Variants in BCCIP observed in about 807,000 individuals in gnomAD.
The protein encoded by BCCIP is BRCA2 and CDKN1A-interacting protein.
BCCIP carries 23 observed loss-of-function variants against 32.8 expected under a neutral mutation model. The observed-to-expected ratio is 0.70, with a 90% confidence interval of 0.51 to 0.99. BCCIP has a LOEUF of 0.99. Among genes scored for constraint, BCCIP ranks in the 50% least tolerant of loss-of-function variants. The pLI is 0.00. For synonymous variants in BCCIP, 144 were observed against 137.6 expected (o/e 1.05, Z -0.33); for missense variants, 378 against 379.8 (o/e 1.00, Z 0.04).
downstream of BCCIP, chr10:125,841,451 A>G (rs1204223248): frequency 1.7e-5 from 26 of 1,541,600 alleles, no homozygotes; most frequent in Non-Finnish European, 2.1e-5. Context: ...CTAGTGACAC[A>G]TTTTCTTCAT....
chr10:125,853,093 G>A (rs372226641), intron 7 of BCCIP: 1 of 1,475,512 alleles, frequency 6.8e-7, no homozygotes, highest in Non-Finnish European at 9.4e-7. Flanking sequence ...TACAGAAACT[G>A]CGTATGGCAC....
At chr10:125,838,437 C>T (rs777020876), downstream of BCCIP, 1 of 1,446,248 alleles carries the variant, frequency 6.9e-7, no homozygotes, top group Admixed American at 2.5e-5. Flanking sequence ...ATATGGAGAT[C>T]ATTATACAAA....
At chr10:125,848,103 C>T (rs1944047561) in intron 7 of BCCIP, among the ~76,000 whole-genome samples, 1 of 152,216 alleles carries the variant, frequency 6.6e-6, no homozygotes, top group Non-Finnish European at 1.5e-5. Flanking sequence ...AATGAAGCTT[C>T]TGTTTCTGAT....
Position 125,827,612 on chromosome 10 carries a change from C to G in BCCIP, c.295C>G (p.Gln99Glu), listed in dbSNP as rs752729538. 10 of 1,612,432 alleles carry G rather than the reference C, an allele frequency of 6.2e-6. No individual in the cohort carries two copies. Among genetic ancestry groups the G allele is most frequent in the Non-Finnish European group, 8.5e-6 (10 of 1,178,516 alleles). Reference protein sequence around the residue: ...TAELTDLLIQQNHIGSVIKQT... With the variant: ...TAELTDLLIQENHIGSVIKQT... ...AGAACTAACAGATCTCTTAATTCAACAGAACCATATTGGGAGTGTGATTAA... is the reference window on the plus strand; with the variant it reads ...AGAACTAACAGATCTCTTAATTCAAGAGAACCATATTGGGAGTGTGATTAA... The change falls in exon 3 of 7, where the codon CAG (glutamine) becomes GAG (glutamate). Residue 99 changes from glutamine (Q) to glutamate (E), a missense_variant. Transcript: ENST00000278100.
At chr10:125,835,557 T>G (rs540257466) in intron 6 of BCCIP, among the ~76,000 whole-genome samples, 2 of 143,186 alleles carry the variant, frequency 1.4e-5, no homozygotes, top group Non-Finnish European at 3.0e-5. Flanking sequence ...CCAGCCTGGG[T>G]GACAGAGTGA....
intron 7 of BCCIP, chr10:125,852,700 C>G (rs1944107766): frequency 2.0e-6 from 3 of 1,477,830 alleles, no homozygotes; most frequent in Non-Finnish European, 2.8e-6. Context: ...AGTAGGCTCA[C>G]TGATCCTGAA....
downstream of BCCIP, among the ~76,000 whole-genome samples, chr10:125,843,116 G>C (rs1399018185): frequency 6.6e-6 from 1 of 152,002 alleles, no homozygotes; most frequent in East Asian, 1.9e-4. Context: ...TCCCATAATA[G>C]AAAGCTGCTG....
chr10:125,849,262 C>A (rs753073267), intron 7 of BCCIP, among the ~76,000 whole-genome samples: 3 of 152,182 alleles, frequency 2.0e-5, no homozygotes. Context: ...CACTGTTGCA[C>A]GCAAAAACAT....
At position 125,852,179 on chromosome 10, in the gene BCCIP, G is replaced by GC. The variant is rs1054454167; in HGVS notation, c.851-941dup. The GC allele has an allele frequency of 2.3e-6, 3 of 1,321,686 alleles. No homozygotes were observed. The African/African-American group carries it at 4.4e-5, about 20-fold the overall frequency. The allele number at this position is 1,321,686 out of a possible 1,614,324, so 81.9% of individuals were successfully genotyped here. A position where few individuals can be genotyped will look rare whatever the true frequency, so the allele number is the denominator to read the frequency against. On this transcript the variant is annotated intron_variant, in intron 7 of 7. Coordinates refer to the BCCIP transcript ENST00000368759. ...GGAAAATGCTTCAGTCCAAACCAAC[G>GC]CCCCCTCCATGCTTGTGTGCATTGC...
At chr10:125,841,126 T>C (rs919451150), downstream of BCCIP, 9 of 1,372,564 alleles carry the variant, frequency 6.6e-6, 1 homozygote, top group Middle Eastern at 1.8e-4. Context: ...AAATATGTTA[T>C]TCTTGTTTAC....
chr10:125,847,979 G>A (rs1037912942), intron 7 of BCCIP, among the ~76,000 whole-genome samples: 1 of 152,204 alleles, frequency 6.6e-6, no homozygotes, highest in African/African-American at 2.4e-5. Context: ...AACAGGCCAC[G>A]AACTGGTACC....
Position 125,825,014 on chromosome 10 carries a change from C to G in BCCIP, c.165+1292C>G, listed in dbSNP as rs537602796. 3.0e-4 allele frequency among the ~76,000 whole-genome samples: 46 copies of G among 152,386 alleles called. No individual in the cohort carries two copies. In the South Asian group the frequency reaches 9.1e-3, roughly 30 times the overall value. On this transcript the variant is annotated intron_variant, in intron 1 of 6. Transcript: ENST00000278100. ...TATGTGATCAATCTTCCTTCCCTTACAAATTTTACTTTGGCTCTATGCCTT... is the reference window on the plus strand; with the variant it reads ...TATGTGATCAATCTTCCTTCCCTTAGAAATTTTACTTTGGCTCTATGCCTT...
chr10:125,826,578 G>A lies in BCCIP; in HGVS notation c.166-13G>A, dbSNP rs1257209089. 1.2e-6 allele frequency: 2 copies of A among 1,612,572 alleles called. No homozygotes were observed. Among genetic ancestry groups the A allele is most frequent in the African/African-American group, 2.7e-5 (2 of 74,834 alleles). ...GTTTTTCTGGTAACAACTATTTTGTGTGTTATTTACAGGAAGTGAATATTG... is the reference window on the plus strand; with the variant it reads ...GTTTTTCTGGTAACAACTATTTTGTATGTTATTTACAGGAAGTGAATATTG... On this transcript the variant is annotated splice_polypyrimidine_tract_variant and intron_variant, in intron 1 of 6. Coordinates refer to ENST00000278100, the MANE Select transcript of BCCIP (RefSeq NM_078468.3).
At chr10:125,836,721 C>T (rs1275317135), downstream of BCCIP, 3 of 1,614,040 alleles carry the variant, frequency 1.9e-6, no homozygotes, top group Non-Finnish European at 2.5e-6. Context: ...AGTTTCAGGG[C>T]ACGTCTCACA....
At chr10:125,844,687 T>G (rs754442471), downstream of BCCIP, among the ~76,000 whole-genome samples, 1 of 152,240 alleles carries the variant, frequency 6.6e-6, no homozygotes, top group Non-Finnish European at 1.5e-5. Context: ...GGGGGTTCTT[T>G]AGGGCAGTGC....
At chr10:125,836,978 A>AT (rs1854711202), downstream of BCCIP, 16 of 781,582 alleles carry the variant, frequency 2.0e-5, no homozygotes, top group East Asian at 4.3e-4. Context: ...TTTAATTTGA[A>AT]CTCAGATAGT....
downstream of BCCIP, chr10:125,838,157 G>T (rs1485168485): frequency 6.7e-7 from 1 of 1,500,254 alleles, no homozygotes; most frequent in Non-Finnish European, 8.9e-7. Flanking sequence ...TACTCCTACA[G>T]GTATGAATTA....
chr10:125,833,519 T>C (rs1478924709), intron 5 of BCCIP, among the ~76,000 whole-genome samples: 1 of 152,200 alleles, frequency 6.6e-6, no homozygotes. Flanking sequence ...TCATCTGATC[T>C]GTTAGTTGCT....
At chr10:125,847,742 C>T (rs1438841790), downstream of BCCIP, among the ~76,000 whole-genome samples, 1 of 133,164 alleles carries the variant, frequency 7.5e-6, no homozygotes, top group Non-Finnish European at 1.7e-5. Flanking sequence ...AGCTTGTTTT[C>T]CTGTAACTAG....
Sources: gnomAD v4.1 joint callset for allele counts (sites outside exome capture counted in the v4.1 genomes callset) on GRCh38, gnomAD v4.1.1 for gene constraint, MANE v1.5 for transcripts, NCBI Gene and HGNC (gene_info 2026-07-23, HGNC 2026-07-21) for gene names.